Variants in STK39 observed in about 807,000 individuals in gnomAD.
STK39 encodes the protein serine/threonine kinase 39.
In STK39, 20 loss-of-function variants were observed where a neutral mutation model predicts 77.8. That is an observed-to-expected ratio of 0.26 (90% CI 0.18 to 0.37). The LOEUF is 0.37. Ranked by LOEUF, STK39 falls within the 10% of genes least tolerant of loss-of-function variation. The pLI is 1.00. For synonymous variants in STK39, 246 were observed against 234.1 expected (o/e 1.05, Z -0.47); for missense variants, 479 against 656.5 (o/e 0.73, Z 2.95).
At chr2:168,113,327 G>A (rs1021886775) in intron 10 of STK39, among the ~76,000 whole-genome samples, 1 of 152,106 alleles carries the variant, frequency 6.6e-6, no homozygotes, top group Non-Finnish European at 1.5e-5. Context: ...ATGAATATAA[G>A]ACCTATCAAA....
At chr2:168,004,142 G>C (rs1162964864) in intron 16 of STK39, among the ~76,000 whole-genome samples, 2 of 152,176 alleles carry the variant, frequency 1.3e-5, no homozygotes, top group East Asian at 3.9e-4. Context: ...AGAAATAAAA[G>C]CTGAAGGCCA....
chr2:168,147,435 A>G (rs529967933), intron 5 of STK39, among the ~76,000 whole-genome samples: 1 of 152,366 alleles, frequency 6.6e-6, no homozygotes, highest in African/African-American at 2.4e-5. Flanking sequence ...CAAACTGTAT[A>G]ATAATGAGTA....
chr2:168,245,249 C>T (rs1463874814), intron 1 of STK39, among the ~76,000 whole-genome samples: 1 of 152,220 alleles, frequency 6.6e-6, no homozygotes, highest in Non-Finnish European at 1.5e-5. Context: ...CTAAGAAATA[C>T]TCTGCTTCCT....
chr2:168,247,576 C>T lies in STK39; in HGVS notation c.-141G>A, dbSNP rs1270321416. ...CCGCCGCCGCCGTCCCCGCCGAAGC[C>T]AGCTAGGAGGGGAGGGAGCAAGGGA... On this transcript the variant is annotated 5_prime_UTR_variant, in exon 1 of 18. Coordinates refer to ENST00000355999, the MANE Select transcript of STK39 (RefSeq NM_013233.3). 3.6e-5 allele frequency: 23 copies of T among 645,470 alleles called. No homozygotes were observed. Among genetic ancestry groups the T allele is most frequent in the Non-Finnish European group, 4.5e-5 (22 of 492,666 alleles). 40.0% of individuals were successfully genotyped at this position (645,470 alleles called of 1,614,324 possible).
intron 16 of STK39, among the ~76,000 whole-genome samples, chr2:167,995,817 G>A (rs1436746993): frequency 6.6e-6 from 1 of 152,070 alleles, no homozygotes. Flanking sequence ...AAACTCTTTG[G>A]CACCAGAAAT....
At chr2:168,128,043 A>G (rs1364240711) in intron 10 of STK39, among the ~76,000 whole-genome samples, 1 of 152,064 alleles carries the variant, frequency 6.6e-6, no homozygotes, top group East Asian at 1.9e-4. Flanking sequence ...TCACTGTGAT[A>G]GCGAGGCTGG....
At chr2:168,023,222 T>TA (rs1182098718) in intron 14 of STK39, among the ~76,000 whole-genome samples, 1 of 151,678 alleles carries the variant, frequency 6.6e-6, no homozygotes, top group East Asian at 1.9e-4. Flanking sequence ...AGCCTGACTT[T>TA]AAAAAAATGT....
chr2:168,066,295 G>C (rs1574435158), intron 12 of STK39, among the ~76,000 whole-genome samples: 1 of 152,290 alleles, frequency 6.6e-6, no homozygotes, highest in East Asian at 1.9e-4. Flanking sequence ...TAGACTGAAG[G>C]ATGAATAGAT....
intron 16 of STK39, among the ~76,000 whole-genome samples, chr2:167,973,559 G>A (rs1051712165): frequency 2.0e-5 from 3 of 152,196 alleles, no homozygotes; most frequent in Admixed American, 6.5e-5. Context: ...GTCGTGAAAA[G>A]ATTTGTGAAA....
chr2:168,202,796 A>G (rs957769420), intron 1 of STK39, among the ~76,000 whole-genome samples: 3 of 152,222 alleles, frequency 2.0e-5, no homozygotes, highest in African/African-American at 7.2e-5. Context: ...CTGTAAAACA[A>G]TAAATTTTAA....
chr2:168,079,922 CAT>C (rs1439332202), intron 10 of STK39, among the ~76,000 whole-genome samples: 1 of 146,268 alleles, frequency 6.8e-6, no homozygotes. Context: ...ACACATGTAA[CAT>C]GTGTCCATGG....
chr2:168,236,954 TTAAAG>T (rs1690629308), intron 1 of STK39, among the ~76,000 whole-genome samples: 1 of 152,244 alleles, frequency 6.6e-6, no homozygotes, highest in South Asian at 2.1e-4. Context: ...CATATGAACT[TTAAAG>T]TAGTTTTTTC....
intron 16 of STK39, among the ~76,000 whole-genome samples, chr2:168,009,251 T>C (rs977965309): frequency 2.6e-5 from 4 of 151,948 alleles, no homozygotes; most frequent in African/African-American, 7.3e-5. Context: ...GTGGGACATA[T>C]CTAGTAAAGA....
chr2:168,054,446 C>T (rs190695219), intron 14 of STK39, among the ~76,000 whole-genome samples: 208 of 152,346 alleles, frequency 1.4e-3, no homozygotes, highest in African/African-American at 4.2e-3. Context: ...TGCTTATCAT[C>T]GTGCTTGGCA....
chr2:168,081,329 C>CA (rs2105415907), intron 10 of STK39, among the ~76,000 whole-genome samples: 1 of 152,292 alleles, frequency 6.6e-6, no homozygotes, highest in East Asian at 1.9e-4. Context: ...GGATGTGAGA[C>CA]ATGGAGTCAA....
At chr2:167,995,473 C>T (rs1298314002) in intron 16 of STK39, among the ~76,000 whole-genome samples, 1 of 152,144 alleles carries the variant, frequency 6.6e-6, no homozygotes, top group Non-Finnish European at 1.5e-5. Flanking sequence ...AACAGTGTAT[C>T]CAAAATTCCA....
At chr2:168,197,070 A>G (rs557996263) in intron 1 of STK39, among the ~76,000 whole-genome samples, 2 of 151,794 alleles carry the variant, frequency 1.3e-5, no homozygotes, top group South Asian at 4.2e-4. Flanking sequence ...ATGTGTAGAT[A>G]AGATTGTACG....
rs2105264984 is a variant in STK39, at chr2:167,979,651, T to G, written c.1499-14925A>C. Among the ~76,000 whole-genome samples, 4 of 152,270 alleles carry G rather than the reference T, an allele frequency of 2.6e-5. No homozygotes were observed. The Middle Eastern group carries it at 0.014, about 518-fold the overall frequency. On this transcript the variant is annotated intron_variant, in intron 16 of 17. Transcript: ENST00000355999. Reference sequence around the variant, plus strand: ...TCAGGCATTCTTGCAGGTCATCCAGTAGATGAATAAAACATACATAGAGGC... The same window carrying G: ...TCAGGCATTCTTGCAGGTCATCCAGGAGATGAATAAAACATACATAGAGGC...
intron 10 of STK39, among the ~76,000 whole-genome samples, chr2:168,122,869 A>G (rs1687444908): frequency 6.6e-6 from 1 of 152,266 alleles, no homozygotes; most frequent in Admixed American, 6.5e-5. Flanking sequence ...GATTCAATAC[A>G]GTAAATATAT....
Sources: allele counts gnomAD v4.1 joint callset (sites outside exome capture counted in the v4.1 genomes callset), GRCh38; gene constraint gnomAD v4.1.1; transcripts MANE v1.5; gene names NCBI Gene and HGNC (gene_info 2026-07-23, HGNC 2026-07-21).